The following ARHGAP15 variants were observed in gnomAD, a reference collection of about 807,000 sequenced individuals.
ARHGAP15 encodes the protein Rho GTPase activating protein 15.
Under a neutral mutation model 63.7 loss-of-function variants are expected in ARHGAP15, and 51 were observed. The observed-to-expected ratio is 0.80, with a 90% CI of 0.64 to 1.01. The LOEUF is 1.01. Among genes scored for constraint, ARHGAP15 ranks in the 50% least tolerant of loss-of-function variants. The pLI, the probability that ARHGAP15 is intolerant of heterozygous loss-of-function variation, is 0.00. For missense variants in ARHGAP15, 560 were observed against 564.6 expected (o/e 0.99, Z 0.08); for synonymous variants, 191 against 193.8 (o/e 0.99, Z 0.12).
At chr2:143,470,941 T>C (rs572594677) in intron 8 of ARHGAP15, among the ~76,000 whole-genome samples, 2 of 143,488 alleles carry the variant, frequency 1.4e-5, no homozygotes, top group South Asian at 4.5e-4. Flanking sequence ...TATATGTGTG[T>C]ATATACACAC....
chr2:143,729,187 G>A (rs1685422285), intron 13 of ARHGAP15, among the ~76,000 whole-genome samples: 1 of 152,164 alleles, frequency 6.6e-6, no homozygotes, highest in Non-Finnish European at 1.5e-5. Context: ...ACCCAAGCAA[G>A]AACAAAGCAA....
At chr2:143,177,609 G>A (rs766283359) in intron 2 of ARHGAP15, among the ~76,000 whole-genome samples, 1 of 152,184 alleles carries the variant, frequency 6.6e-6, no homozygotes, top group Non-Finnish European at 1.5e-5. Flanking sequence ...CTCAAAGGGT[G>A]ATCTAGGGAT....
intron 6 of ARHGAP15, among the ~76,000 whole-genome samples, chr2:143,320,408 ACC>A (rs1157521605): frequency 0.2 from 5,169 of 26,274 alleles, 407 homozygotes; most frequent in Non-Finnish European, 0.3. Flanking sequence ...GGACTTCCCC[ACC>A]CCCCCCCCCC....
chr2:143,393,171 A>G (rs1574383196), intron 6 of ARHGAP15, among the ~76,000 whole-genome samples: 1 of 152,180 alleles, frequency 6.6e-6, no homozygotes, highest in African/African-American at 2.4e-5. Flanking sequence ...TCAAAGATCT[A>G]CCCAGCCAAA....
chr2:143,595,463 G>A (rs189616993), intron 11 of ARHGAP15, among the ~76,000 whole-genome samples: 236 of 152,098 alleles, frequency 1.6e-3, no homozygotes, highest in Admixed American at 2.9e-3. Context: ...GTAATGCCCC[G>A]TGGAATCCTG....
chr2:143,242,037 T>C (rs943117004), intron 5 of ARHGAP15, among the ~76,000 whole-genome samples: 2 of 152,200 alleles, frequency 1.3e-5, no homozygotes, highest in Non-Finnish European at 2.9e-5. Context: ...TCCTGCACTT[T>C]TCCCATTTCC....
chr2:143,671,751 T>C (rs1484336465), intron 12 of ARHGAP15, among the ~76,000 whole-genome samples: 4 of 152,206 alleles, frequency 2.6e-5, no homozygotes, highest in Admixed American at 6.5e-5. Flanking sequence ...TATCTATCTC[T>C]GTATAATCTT....
intron 5 of ARHGAP15, among the ~76,000 whole-genome samples, chr2:143,245,205 T>C (rs1214275993): frequency 2.6e-5 from 4 of 152,008 alleles, no homozygotes; most frequent in South Asian, 2.1e-4. Context: ...GGAGAAATGA[T>C]GAGGGCCTAG....
chr2:143,492,839 G>A (rs186015693), intron 9 of ARHGAP15, among the ~76,000 whole-genome samples: 2 of 152,080 alleles, frequency 1.3e-5, no homozygotes, highest in East Asian at 3.9e-4. Context: ...GGCAGATCAC[G>A]AGGTCAGGAG....
chr2:143,340,916 A>G (rs1685029597), intron 6 of ARHGAP15, among the ~76,000 whole-genome samples: 1 of 152,174 alleles, frequency 6.6e-6, no homozygotes, highest in Non-Finnish European at 1.5e-5. Flanking sequence ...TACTTGGAAA[A>G]AATAGAAGTT....
intron 13 of ARHGAP15, among the ~76,000 whole-genome samples, chr2:143,740,321 G>C (rs1190335790): frequency 6.6e-6 from 1 of 152,142 alleles, no homozygotes; most frequent in African/African-American, 2.4e-5. Context: ...GGCTACCACT[G>C]TCTGTCTGCA....
intron 8 of ARHGAP15, among the ~76,000 whole-genome samples, chr2:143,472,511 G>A (rs963352545): frequency 6.6e-6 from 1 of 152,068 alleles, no homozygotes; most frequent in Non-Finnish European, 1.5e-5. Context: ...ATGAGAGCTA[G>A]TATTAATATA....
intron 9 of ARHGAP15, among the ~76,000 whole-genome samples, chr2:143,507,445 C>G (rs1693371599): frequency 6.6e-6 from 1 of 152,052 alleles, no homozygotes; most frequent in Admixed American, 6.6e-5. Context: ...AGTGAGTGCC[C>G]CTTTGGTGGA....
At chr2:143,654,078 A>G (rs1426960419) in intron 12 of ARHGAP15, among the ~76,000 whole-genome samples, 3 of 152,202 alleles carry the variant, frequency 2.0e-5, no homozygotes, top group African/African-American at 4.8e-5. Context: ...GCTATTGGTT[A>G]TTTAAGCAAT....
At chr2:143,655,073 G>T (rs958217981) in intron 12 of ARHGAP15, among the ~76,000 whole-genome samples, 3 of 152,140 alleles carry the variant, frequency 2.0e-5, no homozygotes, top group African/African-American at 7.2e-5. Flanking sequence ...ATCAAAAAAT[G>T]TTAAAATACG....
intron 11 of ARHGAP15, among the ~76,000 whole-genome samples, chr2:143,573,150 T>G (rs1205214682): frequency 6.6e-6 from 1 of 152,180 alleles, no homozygotes; most frequent in African/African-American, 2.4e-5. Flanking sequence ...AAATGCTAAT[T>G]TTAATGCTTA....
chr2:143,433,502 T>C (rs929088631), intron 6 of ARHGAP15, among the ~76,000 whole-genome samples: 1 of 152,118 alleles, frequency 6.6e-6, no homozygotes, highest in African/African-American at 2.4e-5. Context: ...GTATGATTAA[T>C]GCAGTAATAT....
chr2:143,657,027 A>G (rs901910042), intron 12 of ARHGAP15, among the ~76,000 whole-genome samples: 3 of 151,414 alleles, frequency 2.0e-5, no homozygotes, highest in African/African-American at 7.3e-5. Flanking sequence ...CATTTTTAGA[A>G]TTTATTGTTG....
chr2:143,370,402 G>T (rs976572383), intron 6 of ARHGAP15, among the ~76,000 whole-genome samples: 3 of 152,114 alleles, frequency 2.0e-5, no homozygotes, highest in Admixed American at 6.6e-5. Flanking sequence ...AATGCTAGAT[G>T]ACGAGTTAGT....
Sources: gnomAD v4.1 joint callset for allele counts (sites outside exome capture counted in the v4.1 genomes callset) on GRCh38, gnomAD v4.1.1 for gene constraint, MANE v1.5 for transcripts, NCBI Gene and HGNC (gene_info 2026-07-23, HGNC 2026-07-21) for gene names.